PDZRN3: variants seen among roughly 807,000 people sequenced by gnomAD.
PDZRN3 encodes PDZ domain containing ring finger 3.
In PDZRN3, 38 loss-of-function variants were observed where a neutral mutation model predicts 85.7. That is an observed-to-expected ratio of 0.44 (90% CI 0.34 to 0.58). The LOEUF is 0.58. PDZRN3 is among the 20% of genes least tolerant of loss of function. The probability of loss-of-function intolerance (pLI) is 0.01; values close to 1 mark genes in which losing one functional copy is unlikely to be tolerated. For synonymous variants in PDZRN3, 759 were observed against 638.0 expected (o/e 1.19, Z -2.86); for missense variants, 1,629 against 1,506.4 (o/e 1.08, Z -1.35).
At chr3:73,592,374 G>A (rs1018036457) in intron 3 of PDZRN3, among the ~76,000 whole-genome samples, 1 of 129,676 alleles carries the variant, frequency 7.7e-6, no homozygotes, top group Admixed American at 8.4e-5. Flanking sequence ...CTTTTTTTGA[G>A]GGGTGTGGGA....
chr3:73,491,102 C>G (rs1277668157), intron 3 of PDZRN3, among the ~76,000 whole-genome samples: 1 of 152,270 alleles, frequency 6.6e-6, no homozygotes, highest in Non-Finnish European at 1.5e-5. Context: ...GTGCGACCCT[C>G]TGGCCTCCTG....
At chr3:73,596,869 T>A (rs2106888185) in intron 3 of PDZRN3, among the ~76,000 whole-genome samples, 1 of 152,332 alleles carries the variant, frequency 6.6e-6, no homozygotes, top group Middle Eastern at 3.4e-3. Context: ...AGATAACAGT[T>A]TTGTACCAAC....
Position 73,514,267 on chromosome 3 carries a change from T to C in PDZRN3, c.918+88087A>G, listed in dbSNP as rs186625346. 1.6e-3 allele frequency among the ~76,000 whole-genome samples: 243 copies of C among 152,322 alleles called. 1 individual carries two copies. The highest frequency in any genetic ancestry group is 0.012 in the Admixed American group (191 of 15,300). On this transcript the variant is annotated intron_variant, in intron 3 of 9. Transcript: ENST00000263666. ...AAGTTGGAATTGATGCTGTTAAACATGTGAGATGACCCTAAACTACTCTTC... is the reference window on the plus strand; with the variant it reads ...AAGTTGGAATTGATGCTGTTAAACACGTGAGATGACCCTAAACTACTCTTC...
At chr3:73,549,863 AG>A (rs888682397) in intron 3 of PDZRN3, among the ~76,000 whole-genome samples, 5 of 152,192 alleles carry the variant, frequency 3.3e-5, no homozygotes, top group African/African-American at 1.2e-4. Flanking sequence ...TACAATCCAT[AG>A]GTAATTTGCT....
chr3:73,508,190 C>T (rs1016429218), intron 3 of PDZRN3, among the ~76,000 whole-genome samples: 2 of 152,214 alleles, frequency 1.3e-5, no homozygotes, highest in Admixed American at 6.5e-5. Context: ...TCTTCCCCGG[C>T]ACATGCTGGA....
At chr3:73,569,613 A>G (rs1165355659) in intron 3 of PDZRN3, 3 of 981,672 alleles carry the variant, frequency 3.1e-6, no homozygotes, top group African/African-American at 3.5e-5. Context: ...GCCAAACCTC[A>G]GCCCTGTGTC....
rs1481265773 is a variant in PDZRN3 at position 73,602,438 on chromosome 3, A to G, written c.834T>C (p.Ser278=). ...PSVDNHDGSS[S]EGIFVSKIVD... The stretch of plus-strand genomic sequence containing the variant: ...CTATCTTGGATACAAAGATTCCTTC[A>G]CTGGATGATCCATCGTGGTTATCCT... Residue 278 remains serine (S), a synonymous_variant, in exon 3 of 10, where the codon AGT becomes AGC. Transcript: ENST00000263666. 6.2e-7 allele frequency: 1 copy of G among 1,602,104 alleles called. No individual in the cohort carries two copies.
At position 73,543,507 on chromosome 3, in the gene PDZRN3, C is replaced by T. The variant is rs576433166; in HGVS notation, c.918+58847G>A. The stretch of plus-strand genomic sequence containing the variant: ...TGTTTACAATGGAAGAATTTATTCT[C>T]GCATGCTTGCAATGCTATTTGGTGC... On this transcript the variant is annotated intron_variant, in intron 3 of 9. Coordinates refer to ENST00000263666, the MANE Select transcript of PDZRN3 (RefSeq NM_015009.3). Among the ~76,000 whole-genome samples the T allele has an allele frequency of 1.9e-4, 29 of 152,324 alleles. No homozygotes were observed. In the East Asian group the frequency reaches 1.9e-3, roughly 10 times the overall value.
rs181170785 is a variant in PDZRN3 at position 73,578,129 on chromosome 3, C to A, written c.918+24225G>T. Among the ~76,000 whole-genome samples the A allele has an allele frequency of 5.3e-5, 8 of 150,912 alleles. No homozygotes were observed. The East Asian group carries it at 1.6e-3, about 29-fold the overall frequency. On this transcript the variant is annotated intron_variant, in intron 3 of 9. Transcript: ENST00000263666. Reference sequence around the variant, plus strand: ...TCTTAAGTGTGCCATTTGTTTACTACTGGGATCCTTTATGATATGGTCTTT... The same window carrying A: ...TCTTAAGTGTGCCATTTGTTTACTAATGGGATCCTTTATGATATGGTCTTT...
At chr3:73,431,024 C>T (rs1446792950) in intron 3 of PDZRN3, among the ~76,000 whole-genome samples, 1 of 152,154 alleles carries the variant, frequency 6.6e-6, no homozygotes, top group Non-Finnish European at 1.5e-5. Flanking sequence ...CACCTGGACA[C>T]CACAGTTATC....
intron 3 of PDZRN3, among the ~76,000 whole-genome samples, chr3:73,544,247 C>A (rs536163113): frequency 3.3e-5 from 5 of 152,336 alleles, no homozygotes; most frequent in African/African-American, 7.2e-5. Context: ...GCTTATCCAA[C>A]CCCACACCGT....
At chr3:73,453,404 C>CAAAAAAAAA (rs1184407369) in intron 3 of PDZRN3, among the ~76,000 whole-genome samples, 4 of 97,538 alleles carry the variant, frequency 4.1e-5, no homozygotes, top group African/African-American at 1.1e-4. Context: ...GACTTCGTCT[C>CAAAAAAAAA]AAAAAAAAAA....
intron 3 of PDZRN3, among the ~76,000 whole-genome samples, chr3:73,533,306 CT>C (rs952197687): frequency 6.6e-6 from 1 of 152,146 alleles, no homozygotes; most frequent in Non-Finnish European, 1.5e-5. Flanking sequence ...GCAATTTTTA[CT>C]TGCCTTAATT....
intron 3 of PDZRN3, among the ~76,000 whole-genome samples, chr3:73,601,989 T>C (rs992476758): frequency 6.6e-6 from 1 of 152,198 alleles, no homozygotes; most frequent in South Asian, 2.1e-4. Flanking sequence ...AATTGTACCC[T>C]GGTAATCAAT....
At chr3:73,459,467 C>T (rs1703057619) in intron 3 of PDZRN3, among the ~76,000 whole-genome samples, 1 of 152,082 alleles carries the variant, frequency 6.6e-6, no homozygotes, top group Non-Finnish European at 1.5e-5. Flanking sequence ...AGCCCAGTAC[C>T]CAATAGTTAT....
At chr3:73,543,915 T>C (rs890355214) in intron 3 of PDZRN3, among the ~76,000 whole-genome samples, 2 of 152,208 alleles carry the variant, frequency 1.3e-5, no homozygotes, top group African/African-American at 4.8e-5. Flanking sequence ...AAATAAAACA[T>C]GTATAAAGAA....
chr3:73,508,963 A>G (rs555318385), intron 3 of PDZRN3, among the ~76,000 whole-genome samples: 22 of 152,312 alleles, frequency 1.4e-4, no homozygotes, highest in African/African-American at 5.3e-4. Context: ...ACAGGCCTAA[A>G]ACGTCTCTGC....
intron 3 of PDZRN3, among the ~76,000 whole-genome samples, chr3:73,479,389 TA>T (rs11456991): frequency 0.033 from 4,787 of 147,292 alleles, 206 homozygotes; most frequent in African/African-American, 0.1. Flanking sequence ...CTTCTCAAAG[TA>T]AAAAAAAAAA....
At chr3:73,505,578 T>C (rs1704055514) in intron 3 of PDZRN3, among the ~76,000 whole-genome samples, 1 of 152,202 alleles carries the variant, frequency 6.6e-6, no homozygotes, top group South Asian at 2.1e-4. Context: ...TGATATTCTA[T>C]TGAATTTGTC....
Sources: allele counts gnomAD v4.1 joint callset (sites outside exome capture counted in the v4.1 genomes callset), GRCh38; gene constraint gnomAD v4.1.1; transcripts MANE v1.5; gene names NCBI Gene and HGNC (gene_info 2026-07-23, HGNC 2026-07-21).